Variants in NCKAP5 observed in about 807,000 individuals in gnomAD.
The protein encoded by NCKAP5 is NCK associated protein 5, also known as nck-associated protein 5.
NCKAP5 carries 92 observed loss-of-function variants against 167.0 expected under a neutral mutation model. The ratio of observed to expected loss-of-function variants is 0.55; its 90% CI spans 0.47 to 0.66. NCKAP5 has a LOEUF of 0.66. NCKAP5 is among the 30% of genes least tolerant of loss of function. The pLI, the probability that NCKAP5 is intolerant of heterozygous loss-of-function variation, is 0.00. For synonymous variants in NCKAP5, 891 were observed against 877.4 expected (o/e 1.02, Z -0.27); for missense variants, 2,378 against 2,315.0 (o/e 1.03, Z -0.56).
intron 10 of NCKAP5, among the ~76,000 whole-genome samples, chr2:132,867,677 A>G (rs2148751953): frequency 6.6e-6 from 1 of 152,258 alleles, no homozygotes; most frequent in Non-Finnish European, 1.5e-5. Context: ...CCATGAAGTG[A>G]CCTTGAAAAT....
intron 3 of NCKAP5, among the ~76,000 whole-genome samples, chr2:133,422,571 T>C (rs995709588): frequency 6.6e-6 from 1 of 152,180 alleles, no homozygotes; most frequent in Non-Finnish European, 1.5e-5. Flanking sequence ...GAGTAACATT[T>C]TTCTCTGGTC....
intron 8 of NCKAP5, among the ~76,000 whole-genome samples, chr2:132,897,329 A>G (rs1405358885): frequency 6.6e-6 from 1 of 152,234 alleles, no homozygotes; most frequent in East Asian, 1.9e-4. Context: ...CAGGCTGGGA[A>G]CAGCAAAGCT....
rs72377677 is a variant in NCKAP5, at chr2:132,874,895, G to GTTTATTTTAT, written c.648+3943_648+3952dup. On this transcript the variant is annotated intron_variant, in intron 9 of 19. Transcript: ENST00000409261. ...ACACCTTGAGAAACACTGGGATATG[G>GTTTATTTTAT]TTTATTTTATTTTATTTTATTTTAT... is the stretch of plus-strand genomic sequence containing the variant. Among the ~76,000 whole-genome samples, 904 of 150,400 alleles carry GTTTATTTTAT rather than the reference G, an allele frequency of 6.0e-3. 7 individuals are homozygous for GTTTATTTTAT. The highest frequency in any genetic ancestry group is 0.02 in the African/African-American group (804 of 40,894).
Position 132,785,320 on chromosome 2 carries a change from C to T in NCKAP5, c.1491G>A (p.Arg497=). ...TGTGGGTTAATTTACTGCCATGTGG[C>T]CTGCAGCTCTGGTTTGGAACTGCTT... ...LLQAVPNQSC[R]PHGSKLTHSV... is the part of the protein sequence containing the mutation. Residue 497 remains arginine, a synonymous_variant, in exon 14 of 20, where the codon AGG becomes AGA. Coordinates refer to ENST00000409261, the MANE Select transcript of NCKAP5 (RefSeq NM_207363.3). The T allele has an allele frequency of 6.2e-7, 1 of 1,612,134 alleles. No individual in the cohort carries two copies. The highest frequency in any genetic ancestry group is 8.5e-7 in the Non-Finnish European group (1 of 1,178,904).
chr2:133,205,626 A>G (rs1429360095), intron 5 of NCKAP5, among the ~76,000 whole-genome samples: 3 of 152,126 alleles, frequency 2.0e-5, no homozygotes, highest in African/African-American at 7.2e-5. Flanking sequence ...TCATAGTAAT[A>G]TTTGTATTAG....
chr2:132,702,009 A>G (rs1246936656), intron 19 of NCKAP5, among the ~76,000 whole-genome samples: 1 of 152,198 alleles, frequency 6.6e-6, no homozygotes, highest in Non-Finnish European at 1.5e-5. Context: ...CACAATGGCT[A>G]TATCTGTCAG....
At chr2:133,350,267 G>C (rs938046400) in intron 3 of NCKAP5, among the ~76,000 whole-genome samples, 1 of 152,140 alleles carries the variant, frequency 6.6e-6, no homozygotes, top group African/African-American at 2.4e-5. Context: ...TTAAAAGTTA[G>C]CTGGGTGTGG....
the NCKAP5 span, among the ~76,000 whole-genome samples, chr2:133,596,651 A>T: frequency 6.6e-6 from 1 of 152,228 alleles, no homozygotes; most frequent in East Asian, 1.9e-4. Flanking sequence ...AGAATCCAGC[A>T]GAAGCAGGTT....
the NCKAP5 span, among the ~76,000 whole-genome samples, chr2:133,671,214 C>CAAAAAAAAAAAAAA: frequency 2.6e-4 from 14 of 53,938 alleles, no homozygotes; most frequent in South Asian, 7.8e-4. Flanking sequence ...GACTCCGTCT[C>CAAAAAAAAAAAAAA]AAAAAAAAAA....
chr2:133,457,842 T>TA (rs1304818697), intron 3 of NCKAP5, among the ~76,000 whole-genome samples: 1 of 152,176 alleles, frequency 6.6e-6, no homozygotes, highest in Non-Finnish European at 1.5e-5. Flanking sequence ...GTTATGCAAC[T>TA]AAAATGGTAC....
At chr2:133,599,940 C>T in the NCKAP5 span, among the ~76,000 whole-genome samples, 903 of 152,366 alleles carry the variant, frequency 5.9e-3, 29 homozygotes, top group Admixed American at 0.052. Context: ...CCGTCACACA[C>T]CCTGTGGTGG....
intron 6 of NCKAP5, among the ~76,000 whole-genome samples, chr2:133,098,864 G>A (rs1396743971): frequency 6.6e-6 from 1 of 152,160 alleles, no homozygotes; most frequent in Non-Finnish European, 1.5e-5. Flanking sequence ...AGATTTTAAA[G>A]AAATTACCAA....
rs374009112 is a variant in NCKAP5 at position 132,696,990 on chromosome 2, C to T, written c.5714-23685G>A. Among the ~76,000 whole-genome samples, 11 of 152,242 alleles carry T rather than the reference C, an allele frequency of 7.2e-5. No individual in the cohort carries two copies. In the East Asian group the frequency reaches 1.2e-3, roughly 16 times the overall value. ...GCAGCCTGGACTTCCCGGGCTCAAG[C>T]GATCCTCCCACCTCAGCCTCCCAAA... is the stretch of plus-strand genomic sequence containing the variant. On this transcript the variant is annotated intron_variant, in intron 19 of 19. Coordinates refer to ENST00000409261, the MANE Select transcript of NCKAP5 (RefSeq NM_207363.3).
At chr2:133,188,200 T>C (rs920408908) in intron 5 of NCKAP5, among the ~76,000 whole-genome samples, 5 of 152,022 alleles carry the variant, frequency 3.3e-5, no homozygotes, top group Middle Eastern at 3.4e-3. Context: ...ATTTGCTTAA[T>C]GGTAAGGGGA....
the NCKAP5 span, among the ~76,000 whole-genome samples, chr2:133,612,959 T>C: frequency 6.6e-6 from 1 of 152,120 alleles, no homozygotes; most frequent in South Asian, 2.1e-4. Flanking sequence ...AAGAATAGAC[T>C]TCCAGGAAGG....
At chr2:133,103,454 T>C (rs2081583264) in intron 6 of NCKAP5, among the ~76,000 whole-genome samples, 1 of 152,152 alleles carries the variant, frequency 6.6e-6, no homozygotes, top group Admixed American at 6.5e-5. Context: ...AGAGAAAGCA[T>C]TTTGAGTGCA....
At chr2:133,231,470 T>G (rs2087145065) in intron 4 of NCKAP5, among the ~76,000 whole-genome samples, 2 of 152,164 alleles carry the variant, frequency 1.3e-5, no homozygotes, top group Non-Finnish European at 2.9e-5. Flanking sequence ...TTAACTACGC[T>G]CATGTGTGAA....
chr2:133,041,270 C>A (rs2079210431), intron 6 of NCKAP5, among the ~76,000 whole-genome samples: 1 of 152,094 alleles, frequency 6.6e-6, no homozygotes, highest in Non-Finnish European at 1.5e-5. Context: ...TATAGCATCT[C>A]TTTCACATAC....
intron 3 of NCKAP5, among the ~76,000 whole-genome samples, chr2:133,506,561 C>G (rs920291049): frequency 1.4e-4 from 22 of 152,140 alleles, no homozygotes; most frequent in African/African-American, 5.1e-4. Flanking sequence ...GTCCCGATCC[C>G]CTTGCTGCAG....
Sources: gnomAD v4.1 joint callset for allele counts (sites outside exome capture counted in the v4.1 genomes callset) on GRCh38, gnomAD v4.1.1 for gene constraint, MANE v1.5 for transcripts, NCBI Gene and HGNC (gene_info 2026-07-23, HGNC 2026-07-21) for gene names.